ANKS1B: variants seen among roughly 807,000 people sequenced by gnomAD.
ANKS1B encodes ankyrin repeat and sterile alpha motif domain-containing protein 1B.
In ANKS1B, 36 loss-of-function variants were observed where a neutral mutation model predicts 148.3. The ratio of observed to expected loss-of-function variants is 0.24; its 90% confidence interval spans 0.19 to 0.32. The LOEUF is 0.32. Among genes scored for constraint, ANKS1B ranks in the 10% least tolerant of loss-of-function variants. The pLI, the probability that ANKS1B is intolerant of heterozygous loss-of-function variation, is 1.00. For synonymous variants in ANKS1B, 542 were observed against 560.8 expected, an observed-to-expected ratio of 0.97 and a Z score of 0.47; for missense variants, 1,157 against 1,542.6, an observed-to-expected ratio of 0.75 and a Z score of 4.19.
intron 17 of ANKS1B, among the ~76,000 whole-genome samples, chr12:99,051,439 C>G (rs1218752962): frequency 6.6e-6 from 1 of 152,184 alleles, no homozygotes; most frequent in Non-Finnish European, 1.5e-5. Flanking sequence ...ATTTTTCAAG[C>G]TATTCCATTA....
At chr12:99,117,128 T>C (rs969907186) in intron 15 of ANKS1B, among the ~76,000 whole-genome samples, 1 of 152,172 alleles carries the variant, frequency 6.6e-6, no homozygotes, top group East Asian at 1.9e-4. Context: ...TCTAAATATA[T>C]AATCATGTCA....
intron 17 of ANKS1B, among the ~76,000 whole-genome samples, chr12:98,860,750 T>C (rs2099595171): frequency 6.6e-6 from 1 of 152,164 alleles, no homozygotes; most frequent in Non-Finnish European, 1.5e-5. Flanking sequence ...AGCATCAGGA[T>C]AAACAGCTAA....
intron 1 of ANKS1B, among the ~76,000 whole-genome samples, chr12:99,856,024 C>A (rs1315171618): frequency 6.6e-6 from 1 of 151,872 alleles, no homozygotes; most frequent in Non-Finnish European, 1.5e-5. Flanking sequence ...AAGAAGCAAC[C>A]AAACCAAACC....
chr12:99,871,046 T>C (rs970760053), intron 1 of ANKS1B, among the ~76,000 whole-genome samples: 4 of 152,248 alleles, frequency 2.6e-5, no homozygotes, highest in Non-Finnish European at 5.9e-5. Context: ...CTAATATTTT[T>C]ATAGTTTGAG....
intron 25 of ANKS1B, among the ~76,000 whole-genome samples, chr12:98,764,518 G>A (rs1487048244): frequency 6.6e-6 from 1 of 152,134 alleles, no homozygotes; most frequent in Non-Finnish European, 1.5e-5. Flanking sequence ...GTGAGCCACC[G>A]CGCCTGGCTT....
At chr12:99,803,665 G>A (rs761418795) in intron 4 of ANKS1B, among the ~76,000 whole-genome samples, 18 of 152,144 alleles carry the variant, frequency 1.2e-4, no homozygotes, top group Admixed American at 3.9e-4. Context: ...GAATGAGGTC[G>A]GAGCCTTGGA....
At position 98,801,085 on chromosome 12, in the gene ANKS1B, G is replaced by A. The variant is rs751080981; in HGVS notation, c.3182C>T (p.Pro1061Leu). The change falls in exon 21 of 27, where the codon CCG (proline) becomes CTG (leucine). Residue 1061 changes from proline to leucine, a missense_variant. Physicochemically the swap from Pro to Leu is moderately conservative, Grantham distance 98 (BLOSUM62 -3). This residue lies in a region of ANKS1B where 258 missense variants were observed against 497.0 expected (regional missense o/e 0.52). Transcript: ENST00000683438. This position sits in a 1 kb window ranked among gnomAD's most constrained non-coding sequence, Gnocchi z 5.2. ...WGEPSITLRPPNEATASTPVQ... is the reference protein window; with the variant it reads ...WGEPSITLRPLNEATASTPVQ... ...CGGGGTAGAGGCTGTGGCTTCATTC[G>A]GAGGTCGCAAGGTAATGGAAGGTTC... 1.7e-5 allele frequency: 28 copies of A among 1,612,654 alleles called. No homozygotes were observed. The highest frequency in any genetic ancestry group is 2.3e-5 in the Non-Finnish European group (27 of 1,179,370).
rs370235689 is a variant in ANKS1B at position 99,062,836 on chromosome 12, G to T, written c.2626-9527C>A. Among the ~76,000 whole-genome samples, 46 of 152,300 alleles carry T rather than the reference G, an allele frequency of 3.0e-4. No homozygotes were observed. The East Asian group carries it at 8.1e-3, about 27-fold the overall frequency. On this transcript the variant is annotated intron_variant, in intron 16 of 26. Transcript: ENST00000683438. ...CAGTGGAGATTGCAGGGGAGGGCTT[G>T]CCTTTTGCTTTGACACTTTGCCCTC... is the stretch of plus-strand genomic sequence containing the variant.
At chr12:99,836,053 T>C (rs2084807418) in intron 1 of ANKS1B, among the ~76,000 whole-genome samples, 2 of 152,176 alleles carry the variant, frequency 1.3e-5, no homozygotes, top group East Asian at 3.8e-4. Context: ...ACCATCTAAG[T>C]AAGATAGATA....
intron 1 of ANKS1B, among the ~76,000 whole-genome samples, chr12:99,837,822 G>A (rs1034180660): frequency 6.6e-6 from 1 of 152,094 alleles, no homozygotes; most frequent in Non-Finnish European, 1.5e-5. Flanking sequence ...GTGCAGTTTT[G>A]TTACAGGGAT....
At chr12:99,329,223 C>T (rs1445596031) in intron 12 of ANKS1B, among the ~76,000 whole-genome samples, 1 of 151,778 alleles carries the variant, frequency 6.6e-6, no homozygotes, top group East Asian at 1.9e-4. Flanking sequence ...GGAAACTATT[C>T]TTATTTTTCA....
At chr12:99,367,591 T>C (rs368039776) in intron 12 of ANKS1B, among the ~76,000 whole-genome samples, 1 of 152,228 alleles carries the variant, frequency 6.6e-6, no homozygotes. Context: ...GGTTACTTAC[T>C]GCTGTAAAAG....
At chr12:99,399,920 T>C (rs1417816701) in intron 11 of ANKS1B, 109 bp from the exon 12 acceptor site, 4 of 1,007,312 alleles carry the variant, frequency 4.0e-6, no homozygotes, top group Non-Finnish European at 3.0e-6. Flanking sequence ...AAAAACTATC[T>C]GGGTTTTATA....
intron 11 of ANKS1B, among the ~76,000 whole-genome samples, chr12:99,418,962 G>A (rs1219492803): frequency 6.6e-6 from 1 of 151,980 alleles, no homozygotes; most frequent in Non-Finnish European, 1.5e-5. Context: ...AATGAGTTAT[G>A]CATCCCTAAA....
chr12:99,755,395 C>T (rs1036020919), intron 8 of ANKS1B, among the ~76,000 whole-genome samples: 18 of 152,036 alleles, frequency 1.2e-4, no homozygotes, highest in Non-Finnish European at 1.9e-4. Context: ...GAAAGATTCA[C>T]GACTAAATTC....
intron 17 of ANKS1B, among the ~76,000 whole-genome samples, chr12:99,044,575 T>C (rs921070734): frequency 6.6e-6 from 1 of 152,082 alleles, no homozygotes; most frequent in Non-Finnish European, 1.5e-5. Context: ...ATCCTGGAAC[T>C]AGAGTTAGCA....
chr12:99,002,478 G>C (rs565823766), intron 17 of ANKS1B, among the ~76,000 whole-genome samples: 105 of 140,108 alleles, frequency 7.5e-4, no homozygotes, highest in African/African-American at 2.5e-3. Context: ...GACACTTCAT[G>C]TACTTATCTC....
At chr12:99,760,652 A>G (rs940067054) in intron 8 of ANKS1B, among the ~76,000 whole-genome samples, 3 of 151,818 alleles carry the variant, frequency 2.0e-5, no homozygotes, top group African/African-American at 7.2e-5. Flanking sequence ...TAGAAAAACA[A>G]GAACAAATCA....
Position 99,405,031 on chromosome 12 carries a change from T to C in ANKS1B, c.1576-5220A>G, listed in dbSNP as rs745335686. Among the ~76,000 whole-genome samples, 27 of 145,834 alleles carry C rather than the reference T, an allele frequency of 1.9e-4. 2 individuals are homozygous for C. Among genetic ancestry groups the C allele is most frequent in the Non-Finnish European group, 3.3e-4 (22 of 65,908 alleles). On this transcript the variant is annotated intron_variant, in intron 11 of 26. Coordinates refer to ENST00000683438, the MANE Select transcript of ANKS1B (RefSeq NM_001352186.2). ...AAAGTGCTGGAGGAAAAAATGTTTATCCTAGAATAGTATATCCAGTGAAAA... is the reference window on the plus strand; with the variant it reads ...AAAGTGCTGGAGGAAAAAATGTTTACCCTAGAATAGTATATCCAGTGAAAA...
Sources: allele counts gnomAD v4.1 joint callset (sites outside exome capture counted in the v4.1 genomes callset), GRCh38; gene constraint gnomAD v4.1.1; regional missense constraint gnomAD v4.1.1; non-coding constraint Gnocchi (gnomAD v3.1); transcripts MANE v1.5; gene names NCBI Gene and HGNC (gene_info 2026-07-23, HGNC 2026-07-21).